Variants in KRAS observed in about 807,000 individuals in gnomAD.
The protein encoded by KRAS is KRas proto-oncogene, GTPase, also known as GTPase KRas.
A neutral mutation model predicts 21.0 loss-of-function variants in KRAS; 1 was observed. The ratio of observed to expected loss-of-function variants is 0.05; its 90% confidence interval spans 0.02 to 0.23. The LOEUF is 0.23. Ranked by LOEUF, KRAS falls within the 10% of genes least tolerant of loss-of-function variation. KRAS has a pLI of 1.00. For missense variants in KRAS, 107 were observed against 221.8 expected, an observed-to-expected ratio of 0.48 and a Z score of 3.29; for synonymous variants, 67 against 72.5, an observed-to-expected ratio of 0.92 and a Z score of 0.39.
At chr12:25,214,387 CTTT>C (rs143313927) in intron 4 of KRAS, among the ~76,000 whole-genome samples, 70,489 of 140,108 alleles carry the variant, frequency 0.5, 17,741 homozygotes, top group East Asian at 0.8. Context: ...GCTAAAATGA[CTTT>C]TTTTTTTTTT....
chr12:25,235,030 T>G (rs1221043444), intron 2 of KRAS: 3 of 348,884 alleles, frequency 8.6e-6, no homozygotes, highest in African/African-American at 6.3e-5. Context: ...TGCCAGATAC[T>G]GTCATAAGCA....
In KRAS at chr12:25,244,534, G is replaced by T. The variant is rs1000671523; in HGVS notation, c.111+740C>A. On this transcript the variant is annotated intron_variant, in intron 2 of 4. Coordinates refer to ENST00000311936, the MANE Select transcript of KRAS (RefSeq NM_004985.5). ...AAATCCTCATCTGCTTGGGATGGAA[G>T]TTCTACTCCATGACCTTCAAGGTGT... is the stretch of plus-strand genomic sequence containing the variant. Among the ~76,000 whole-genome samples, 19 of 152,182 alleles carry T rather than the reference G, an allele frequency of 1.2e-4. No homozygotes were observed. The South Asian group carries it at 3.3e-3, about 27-fold the overall frequency.
Position 25,205,824 on chromosome 12 carries a change from A to G in KRAS, c.*3971T>C, listed in dbSNP as rs907034140. On this transcript the variant is annotated 3_prime_UTR_variant, in exon 5 of 5. Coordinates refer to ENST00000311936, the MANE Select transcript of KRAS (RefSeq NM_004985.5). Reference sequence around the variant, plus strand: ...AAACACAGATCTTAATCTAGTTATGACTATTCTTCAAGAACTCATGTGAGT... The same window carrying G: ...AAACACAGATCTTAATCTAGTTATGGCTATTCTTCAAGAACTCATGTGAGT... 1.9e-5 allele frequency: 4 copies of G among 215,048 alleles called. No individual in the cohort carries two copies. The highest frequency in any genetic ancestry group is 1.9e-4 in the South Asian group (1 of 5,374). 13.3% of individuals were successfully genotyped at this position (215,048 alleles called of 1,614,324 possible). A position where few individuals can be genotyped will look rare whatever the true frequency, so the allele number is the denominator to read the frequency against.
At chr12:25,239,509 C>T (rs10505980) in intron 2 of KRAS, among the ~76,000 whole-genome samples, 59,549 of 151,962 alleles carry the variant, frequency 0.39, 11,825 homozygotes, top group African/African-American at 0.46. Flanking sequence ...ACTTAGATAA[C>T]ACTGCAAGAT....
intron 2 of KRAS, chr12:25,235,012 TACTTATATGCCAGATACTGTCATA>T (rs985558368): frequency 3.0e-6 from 1 of 337,674 alleles, no homozygotes; most frequent in African/African-American, 2.1e-5. Context: ...ACTGAGCCCT[TACTTATATGCCAGATACTGTCATA>T]AGCATATTAC....
At chr12:25,248,440 A>ACT (rs1240166501) in intron 1 of KRAS, among the ~76,000 whole-genome samples, 1 of 151,708 alleles carries the variant, frequency 6.6e-6, no homozygotes, top group Non-Finnish European at 1.5e-5. Context: ...ACAGAGTGAG[A>ACT]CTCTCTCTCT....
At chr12:25,241,995 T>C (rs1404669398) in intron 2 of KRAS, among the ~76,000 whole-genome samples, 1 of 152,172 alleles carries the variant, frequency 6.6e-6, no homozygotes, top group Non-Finnish European at 1.5e-5. Flanking sequence ...ACTTCATTCG[T>C]AGGTAAAATG....
At chr12:25,228,056 G>A (rs1367523886) in intron 2 of KRAS, among the ~76,000 whole-genome samples, 1 of 152,018 alleles carries the variant, frequency 6.6e-6, no homozygotes, top group Non-Finnish European at 1.5e-5. Flanking sequence ...GAGCATTAAT[G>A]CAGGTTAATC....
At chr12:25,215,064 C>T (rs1021073559) in intron 4 of KRAS, 4 of 203,884 alleles carry the variant, frequency 2.0e-5, no homozygotes, top group Non-Finnish European at 2.9e-5. Flanking sequence ...CTGCTGTCTA[C>T]TATAGCTCAT....
At chr12:25,238,267 C>G (rs1207728687) in intron 2 of KRAS, among the ~76,000 whole-genome samples, 4 of 151,998 alleles carry the variant, frequency 2.6e-5, no homozygotes, top group Admixed American at 2.6e-4. Flanking sequence ...TTGAAAATAA[C>G]GATATAATGA....
chr12:25,220,529 C>A (rs1423350988), intron 4 of KRAS, among the ~76,000 whole-genome samples: 1 of 151,824 alleles, frequency 6.6e-6, no homozygotes, highest in Non-Finnish European at 1.5e-5. Flanking sequence ...GAGATTGAGA[C>A]CATATTGGCC....
At chr12:25,212,494 G>A (rs893305320) in intron 4 of KRAS, among the ~76,000 whole-genome samples, 1 of 152,122 alleles carries the variant, frequency 6.6e-6, no homozygotes, top group Non-Finnish European at 1.5e-5. Flanking sequence ...GGAGGCTGAG[G>A]CAGGAGAACT....
chr12:25,215,682 T>C, intron 4 of KRAS: 1 of 776,042 alleles, frequency 1.3e-6, no homozygotes, highest in Non-Finnish European at 2.2e-6. Flanking sequence ...TAAACAGACA[T>C]CAGACTGTTT....
chr12:25,234,529 T>A (rs972069779), intron 2 of KRAS: 4 of 184,666 alleles, frequency 2.2e-5, no homozygotes, highest in African/African-American at 9.4e-5. Context: ...ACCAATTTCT[T>A]TGAGGAGTAA....
intron 4 of KRAS, among the ~76,000 whole-genome samples, chr12:25,219,655 C>A (rs1951297490): frequency 6.6e-6 from 1 of 152,154 alleles, no homozygotes; most frequent in Admixed American, 6.5e-5. Context: ...TTCTAAAACC[C>A]AACTGTGCAT....
chr12:25,227,027 C>T (rs1352596118), intron 3 of KRAS, among the ~76,000 whole-genome samples: 1 of 152,066 alleles, frequency 6.6e-6, no homozygotes, highest in African/African-American at 2.4e-5. Flanking sequence ...ATCCCAGCAC[C>T]ACCACTACCG....
chr12:25,232,908 A>G (rs774161537), intron 2 of KRAS, among the ~76,000 whole-genome samples: 5 of 152,216 alleles, frequency 3.3e-5, no homozygotes, highest in African/African-American at 1.2e-4. Context: ...AAGTCATTCA[A>G]ATGTTCATAG....
intron 4 of KRAS, among the ~76,000 whole-genome samples, chr12:25,222,203 A>G (rs926596312): frequency 2.0e-5 from 3 of 151,548 alleles, no homozygotes; most frequent in African/African-American, 7.3e-5. Flanking sequence ...ATAAATAAAT[A>G]AGCTGAATAA....
At chr12:25,241,166 C>T (rs1951605012) in intron 2 of KRAS, among the ~76,000 whole-genome samples, 1 of 152,160 alleles carries the variant, frequency 6.6e-6, no homozygotes, top group African/African-American at 2.4e-5. Context: ...ACTATACTCA[C>T]CTACTTAGTT....
Sources: allele counts gnomAD v4.1 joint callset (sites outside exome capture counted in the v4.1 genomes callset), GRCh38; gene constraint gnomAD v4.1.1; transcripts MANE v1.5; gene names NCBI Gene and HGNC (gene_info 2026-07-23, HGNC 2026-07-21).